MAB21L2: variants seen among roughly 807,000 people sequenced by gnomAD.
The protein encoded by MAB21L2 is mab-21 like 2.
In MAB21L2, 15 loss-of-function variants were observed where a neutral mutation model predicts 29.8. That is an observed-to-expected ratio of 0.50 (90% CI 0.34 to 0.78). The LOEUF is 0.78. Among genes scored for constraint, MAB21L2 ranks in the 30% least tolerant of loss-of-function variants. The pLI, the probability that MAB21L2 is intolerant of heterozygous loss-of-function variation, is 0.01. For missense variants in MAB21L2, 321 were observed against 480.1 expected, an observed-to-expected ratio of 0.67 and a Z score of 3.10; for synonymous variants, 218 against 210.4, an observed-to-expected ratio of 1.04 and a Z score of -0.31.
rs142676244 is a variant in MAB21L2 at position 150,583,374 on chromosome 4, G to A, written c.345G>A (p.Glu115=). The change falls in exon 1 of 1, where the codon GAG becomes GAA. Residue 115 remains glutamate (E), a synonymous_variant. Transcript: ENST00000317605. This position sits in a 1 kb window ranked among gnomAD's most constrained non-coding sequence, Gnocchi z 9.8. The part of the protein sequence containing the change: ...GRKRSMSLWV[E]FITASGYLSA... The stretch of plus-strand genomic sequence containing the variant: ...AGCGGAGCATGTCTCTCTGGGTCGA[G>A]TTCATCACGGCGTCGGGCTATCTCT... 1 of 1,614,164 alleles carries A rather than the reference G, an allele frequency of 6.2e-7. No individual in the cohort carries two copies.
Position 150,583,736 on chromosome 4 carries a change from AG to A in MAB21L2, c.709del (p.Ala237ArgfsTer6). 1 of 1,613,540 alleles carries A rather than the reference AG, an allele frequency of 6.2e-7. No homozygotes were observed. The highest frequency in any genetic ancestry group is 1.7e-5 in the Admixed American group (1 of 59,970). ...ESDAWVLQFG[E>X]AENRLLMGGC... ...GACGCCTGGGTGCTACAGTTCGGGG[AG>A]GCGGAGAACCGCCTGCTGATGGGCG... is the stretch of plus-strand genomic sequence containing the variant. On this transcript the variant is annotated frameshift_variant, in exon 1 of 1. Coordinates refer to ENST00000317605, the MANE Select transcript of MAB21L2 (RefSeq NM_006439.5). LOFTEE classifies it high-confidence loss of function. The surrounding 1 kb of genome is among the most constrained non-coding windows in gnomAD (Gnocchi z 9.8).
Position 150,582,621 on chromosome 4 carries a change from T to C in MAB21L2, c.-409T>C, listed in dbSNP as rs1320029024. On this transcript the variant is annotated 5_prime_UTR_variant, in exon 1 of 1. Transcript: ENST00000317605. Reference sequence around the variant, plus strand: ...GCACTTAAAAAACCTCATTTCCAGATTTCTGGACAATCTCGGCTGCAGACA... The same window carrying C: ...GCACTTAAAAAACCTCATTTCCAGACTTCTGGACAATCTCGGCTGCAGACA... The C allele has an allele frequency of 4.1e-5, 7 of 171,176 alleles. No individual in the cohort carries two copies. Among genetic ancestry groups the C allele is most frequent in the Non-Finnish European group, 7.5e-5 (6 of 80,078 alleles). The allele number at this position is 171,176 out of a possible 1,614,324, so 10.6% of individuals were successfully genotyped here.
chr4:150,582,824 A>G lies in MAB21L2; in HGVS notation c.-206A>G. On this transcript the variant is annotated 5_prime_UTR_variant, in exon 1 of 1. Coordinates refer to ENST00000317605, the MANE Select transcript of MAB21L2 (RefSeq NM_006439.5). The stretch of plus-strand genomic sequence containing the variant: ...CTCCCCTAATTCTTCTGCAGAAGAA[A>G]AGAGGTTTCGAAAGAGGGAAAAGGA... The G allele has an allele frequency of 2.0e-6, 1 of 509,958 alleles. No homozygotes were observed. The highest frequency in any genetic ancestry group is 3.4e-6 in the Non-Finnish European group (1 of 296,434). The allele number at this position is 509,958 out of a possible 1,614,324, so 31.6% of individuals were successfully genotyped here. A position where few individuals can be genotyped will look rare whatever the true frequency, so the allele number is the denominator to read the frequency against.
Position 150,583,087 on chromosome 4 carries a change from T to C in MAB21L2, c.58T>C (p.Cys20Arg). ...GCTCAATAAGTACTACACTGAGCGC[T>C]GTCAGGCGCGCAAGGCGGCCATCGC... ...YQLNKYYTER[C>R]QARKAAIAKT... Residue 20 changes from cysteine to arginine, a missense_variant, in exon 1 of 1, where the codon TGT becomes CGT. Transcript: ENST00000317605. The surrounding 1 kb of genome is among the most constrained non-coding windows in gnomAD (Gnocchi z 9.8). 2.5e-6 allele frequency: 4 copies of C among 1,614,076 alleles called. No homozygotes were observed. The highest frequency in any genetic ancestry group is 3.4e-6 in the Non-Finnish European group (4 of 1,179,972).
Position 150,582,181 on chromosome 4 carries a change from C to G in MAB21L2, c.-849C>G, listed in dbSNP as rs1207866472. Reference sequence around the variant, plus strand: ...CAACGCAAGCAACGACTTCGTCACACTAAAACGGATTTTGTGAGGGCCAAA... The same window carrying G: ...CAACGCAAGCAACGACTTCGTCACAGTAAAACGGATTTTGTGAGGGCCAAA... On this transcript the variant is annotated 5_prime_UTR_variant, in exon 1 of 1. Coordinates refer to ENST00000317605, the MANE Select transcript of MAB21L2 (RefSeq NM_006439.5). 6.6e-6 allele frequency: 1 copy of G among 152,094 alleles called. No homozygotes were observed. The highest frequency in any genetic ancestry group is 2.4e-5 in the African/African-American group (1 of 41,394). 9.4% of individuals were successfully genotyped at this position (152,094 alleles called of 1,614,324 possible).
In MAB21L2 at chr4:150,584,431, CCT is replaced by C. The variant is rs1433316376; in HGVS notation, c.*323_*324del. ...AAATCAATGTATAGTAGTTCCCCCC[CCT>C]TTTCCTTCTTTCCCCCTATCCTTTT... On this transcript the variant is annotated 3_prime_UTR_variant, in exon 1 of 1. Coordinates refer to ENST00000317605, the MANE Select transcript of MAB21L2 (RefSeq NM_006439.5). The C allele has an allele frequency of 7.7e-6, 1 of 130,372 alleles. No individual in the cohort carries two copies. The highest frequency in any genetic ancestry group is 3.2e-5 in the African/African-American group (1 of 30,910). The allele number at this position is 130,372 out of a possible 1,614,324, so 8.1% of individuals were successfully genotyped here.
At position 150,584,020 on chromosome 4, in the gene MAB21L2, C is replaced by T. The variant is rs1771762665; in HGVS notation, c.991C>T (p.Pro331Ser). Reference protein sequence around the residue: ...LPNLDLFQGKPHSALESAAKQ... With the variant: ...LPNLDLFQGKSHSALESAAKQ... ...CAACCTCGACCTCTTTCAGGGCAAG[C>T]CCCATTCGGCCCTGGAGAGCGCTGC... is the stretch of plus-strand genomic sequence containing the variant. The change falls in exon 1 of 1, where the codon CCC becomes TCC. Residue 331 changes from proline to serine, a missense_variant. Pro to Ser is a moderately conservative substitution (Grantham distance 74, BLOSUM62 -1). Coordinates refer to ENST00000317605, the MANE Select transcript of MAB21L2 (RefSeq NM_006439.5). 1.2e-6 allele frequency: 2 copies of T among 1,613,588 alleles called. No individual in the cohort carries two copies. Among genetic ancestry groups the T allele is most frequent in the Non-Finnish European group, 1.7e-6 (2 of 1,179,760 alleles).
chr4:150,584,606 G>A lies in MAB21L2; in HGVS notation c.*497G>A, dbSNP rs1000764437. 6.0e-6 allele frequency: 1 copy of A among 167,060 alleles called. No homozygotes were observed. The highest frequency in any genetic ancestry group is 2.4e-5 in the African/African-American group (1 of 41,376). 10.3% of individuals were successfully genotyped at this position (167,060 alleles called of 1,614,324 possible). A position where few individuals can be genotyped will look rare whatever the true frequency, so the allele number is the denominator to read the frequency against. ...TTAAACGTTCTCAGTGCCAATGTCA[G>A]ACTGTGCTCCTCCCTCTCCTGAACC... is the stretch of plus-strand genomic sequence containing the variant. On this transcript the variant is annotated 3_prime_UTR_variant, in exon 1 of 1. Coordinates refer to ENST00000317605, the MANE Select transcript of MAB21L2 (RefSeq NM_006439.5).
In MAB21L2 at chr4:150,582,281, C is replaced by A. The variant is rs753930394; in HGVS notation, c.-749C>A. On this transcript the variant is annotated 5_prime_UTR_variant, in exon 1 of 1. Transcript: ENST00000317605. Reference sequence around the variant, plus strand: ...GCACCTAAAGAAACACAAGGAGAACCCACTACAAACAAACAAACCCAGTCC... The same window carrying A: ...GCACCTAAAGAAACACAAGGAGAACACACTACAAACAAACAAACCCAGTCC... 1.3e-5 allele frequency: 2 copies of A among 151,922 alleles called. No individual in the cohort carries two copies. The highest frequency in any genetic ancestry group is 2.9e-5 in the Non-Finnish European group (2 of 68,010). 9.4% of individuals were successfully genotyped at this position (151,922 alleles called of 1,614,324 possible).
chr4:150,582,425 G>C lies in MAB21L2; in HGVS notation c.-605G>C, dbSNP rs1378326365. 6.6e-6 allele frequency: 1 copy of C among 152,220 alleles called. No individual in the cohort carries two copies. Among genetic ancestry groups the C allele is most frequent in the East Asian group, 1.9e-4 (1 of 5,158 alleles). The allele number at this position is 152,220 out of a possible 1,614,324, so 9.4% of individuals were successfully genotyped here. ...CAAACCTCCAAGTGCACGGCGGACTGAGTTGTACTTCGCAGCTCTCTGGAC... is the reference window on the plus strand; with the variant it reads ...CAAACCTCCAAGTGCACGGCGGACTCAGTTGTACTTCGCAGCTCTCTGGAC... On this transcript the variant is annotated 5_prime_UTR_variant, in exon 1 of 1. Coordinates refer to ENST00000317605, the MANE Select transcript of MAB21L2 (RefSeq NM_006439.5).
chr4:150,583,028 A>C lies in MAB21L2; in HGVS notation c.-2A>C. On this transcript the variant is annotated 5_prime_UTR_variant, in exon 1 of 1. Coordinates refer to ENST00000317605, the MANE Select transcript of MAB21L2 (RefSeq NM_006439.5). The surrounding 1 kb of genome is among the most constrained non-coding windows in gnomAD (Gnocchi z 9.8). ...GTGTATAGCCCGGACCTGTGCCCCA[A>C]CATGATCGCCGCTCAGGCCAAGCTG... is the stretch of plus-strand genomic sequence containing the variant. 6.3e-7 allele frequency: 1 copy of C among 1,586,242 alleles called. No individual in the cohort carries two copies. The highest frequency in any genetic ancestry group is 8.6e-7 in the Non-Finnish European group (1 of 1,164,636).
At position 150,584,331 on chromosome 4, in the gene MAB21L2, A is replaced by C; in HGVS notation, c.*222A>C. On this transcript the variant is annotated 3_prime_UTR_variant, in exon 1 of 1. Transcript: ENST00000317605. Reference sequence around the variant, plus strand: ...AAAAGTGATCGTTTTCTTCCAAACAATGTGAATTTAAAAGGTCACACAAAA... The same window carrying C: ...AAAAGTGATCGTTTTCTTCCAAACACTGTGAATTTAAAAGGTCACACAAAA... 2.4e-5 allele frequency: 10 copies of C among 421,530 alleles called. No homozygotes were observed. Among genetic ancestry groups the C allele is most frequent in the East Asian group, 4.1e-5 (1 of 24,590 alleles). The allele number at this position is 421,530 out of a possible 1,614,324, so 26.1% of individuals were successfully genotyped here. A position where few individuals can be genotyped will look rare whatever the true frequency, so the allele number is the denominator to read the frequency against.
chr4:150,583,842 C>G lies in MAB21L2; in HGVS notation c.813C>G (p.Asn271Lys), dbSNP rs1432495716. 7.4e-6 allele frequency: 12 copies of G among 1,614,130 alleles called. No individual in the cohort carries two copies. In the East Asian group the frequency reaches 1.8e-4, roughly 24 times the overall value. The change falls in exon 1 of 1, where the codon AAC becomes AAG. Residue 271 changes from asparagine (N) to lysine (K), a missense_variant. Coordinates refer to ENST00000317605, the MANE Select transcript of MAB21L2 (RefSeq NM_006439.5). The surrounding 1 kb of genome is among the most constrained non-coding windows in gnomAD (Gnocchi z 9.8). Reference protein sequence around the residue: ...HLELPGQPLNNYHMKTLLLYE... With the variant: ...HLELPGQPLNKYHMKTLLLYE... ...AGCTACCCGGCCAGCCGCTCAACAA[C>G]TACCACATGAAGACGCTGCTGCTGT...
At position 150,583,365 on chromosome 4, in the gene MAB21L2, C is replaced by G; in HGVS notation, c.336C>G (p.Leu112=). 1 of 1,614,182 alleles carries G rather than the reference C, an allele frequency of 6.2e-7. No homozygotes were observed. The highest frequency in any genetic ancestry group is 8.5e-7 in the Non-Finnish European group (1 of 1,180,040). The change falls in exon 1 of 1, where the codon CTC becomes CTG. Residue 112 remains leucine, a synonymous_variant. Coordinates refer to ENST00000317605, the MANE Select transcript of MAB21L2 (RefSeq NM_006439.5). The surrounding 1 kb of genome is among the most constrained non-coding windows in gnomAD (Gnocchi z 9.8). ...ATGGGCGGAAGCGGAGCATGTCTCT[C>G]TGGGTCGAGTTCATCACGGCGTCGG... ...LSDGRKRSMS[L]WVEFITASGY...
Position 150,583,851 on chromosome 4 carries a change from G to A in MAB21L2, c.822G>A (p.Met274Ile). ...GCCAGCCGCTCAACAACTACCACAT[G>A]AAGACGCTGCTGCTGTACGAGTGCG... is the stretch of plus-strand genomic sequence containing the variant. ...LPGQPLNNYH[M>I]KTLLLYECEK... The change falls in exon 1 of 1, where the codon ATG becomes ATA. Residue 274 changes from methionine to isoleucine, a missense_variant. By Grantham distance (10) the Met-to-Ile change is conservative. Coordinates refer to ENST00000317605, the MANE Select transcript of MAB21L2 (RefSeq NM_006439.5). The surrounding 1 kb of genome is among the most constrained non-coding windows in gnomAD (Gnocchi z 9.8). 1 of 1,614,202 alleles carries A rather than the reference G, an allele frequency of 6.2e-7. No individual in the cohort carries two copies. The highest frequency in any genetic ancestry group is 1.1e-5 in the South Asian group (1 of 91,066).
In MAB21L2 at chr4:150,583,046, C is replaced by A; in HGVS notation, c.17C>A (p.Ala6Asp). The change falls in exon 1 of 1, where the codon GCC (alanine) becomes GAC (aspartate). Residue 6 changes from alanine (A) to aspartate (D), a missense_variant. Transcript: ENST00000317605. This position sits in a 1 kb window ranked among gnomAD's most constrained non-coding sequence, Gnocchi z 9.8. ...TGCCCCAACATGATCGCCGCTCAGG[C>A]CAAGCTGGTTTACCAGCTCAATAAG... MIAAQ[A>D]KLVYQLNKYY... 6.2e-7 allele frequency: 1 copy of A among 1,603,692 alleles called. No homozygotes were observed. Among genetic ancestry groups the A allele is most frequent in the Non-Finnish European group, 8.5e-7 (1 of 1,173,824 alleles).
chr4:150,583,857 G>T lies in MAB21L2; in HGVS notation c.828G>T (p.Thr276=), dbSNP rs745635503. The T allele has an allele frequency of 6.2e-7, 1 of 1,614,142 alleles. No homozygotes were observed. Among genetic ancestry groups the T allele is most frequent in the South Asian group, 1.1e-5 (1 of 91,056 alleles). ...CGCTCAACAACTACCACATGAAGAC[G>T]CTGCTGCTGTACGAGTGCGAGAAAC... The part of the protein sequence containing the change: ...GQPLNNYHMK[T]LLLYECEKHP... Residue 276 remains threonine (T), a synonymous_variant, in exon 1 of 1, where the codon ACG becomes ACT. Transcript: ENST00000317605. The surrounding 1 kb of genome is among the most constrained non-coding windows in gnomAD (Gnocchi z 9.8).
At position 150,583,912 on chromosome 4, in the gene MAB21L2, T is replaced by G. The variant is rs1771749177; in HGVS notation, c.883T>G (p.Cys295Gly). 3 of 1,612,770 alleles carry G rather than the reference T, an allele frequency of 1.9e-6. No individual in the cohort carries two copies. Among genetic ancestry groups the G allele is most frequent in the Admixed American group, 1.7e-5 (1 of 59,894 alleles). ...HPRETDWDES[C>G]LGDRLNGILL... ...ACGAGAAACGGACTGGGACGAGTCG[T>G]GCCTGGGCGACCGGCTCAACGGCAT... Residue 295 changes from cysteine to glycine, a missense_variant, in exon 1 of 1, where the codon TGC becomes GGC. Cys to Gly is a radical substitution (Grantham distance 159, BLOSUM62 -3). Transcript: ENST00000317605. This position sits in a 1 kb window ranked among gnomAD's most constrained non-coding sequence, Gnocchi z 9.8.
At position 150,583,406 on chromosome 4, in the gene MAB21L2, G is replaced by C; in HGVS notation, c.377G>C (p.Arg126Pro). 2 of 1,613,994 alleles carry C rather than the reference G, an allele frequency of 1.2e-6. No individual in the cohort carries two copies. The highest frequency in any genetic ancestry group is 1.7e-6 in the Non-Finnish European group (2 of 1,180,036). The change falls in exon 1 of 1, where the codon CGT becomes CCT. Residue 126 changes from arginine to proline, a missense_variant. Coordinates refer to ENST00000317605, the MANE Select transcript of MAB21L2 (RefSeq NM_006439.5). The surrounding 1 kb of genome is among the most constrained non-coding windows in gnomAD (Gnocchi z 9.8). Reference protein sequence around the residue: ...FITASGYLSARKIRSRFQTLV... With the variant: ...FITASGYLSAPKIRSRFQTLV... ...ACGGCGTCGGGCTATCTCTCAGCGC[G>C]TAAGATCCGCTCGCGTTTCCAGACG...
Sources: allele counts gnomAD v4.1 joint callset, GRCh38; gene constraint gnomAD v4.1.1; non-coding constraint Gnocchi (gnomAD v3.1); transcripts MANE v1.5; gene names NCBI Gene and HGNC (gene_info 2026-07-23, HGNC 2026-07-21).